PWWP3B: variants seen among roughly 807,000 people sequenced by gnomAD.
PWWP3B encodes the protein PWWP domain containing 3B.
Under a neutral mutation model 15.7 loss-of-function variants are expected in PWWP3B, and 5 were observed. The observed-to-expected ratio is 0.32, with a 90% confidence interval of 0.17 to 0.67. The LOEUF is 0.67. PWWP3B is among the 30% of genes least tolerant of loss of function. The pLI is 0.74. For synonymous variants in PWWP3B, 203 were observed against 179.8 expected (o/e 1.13, Z -1.03); for missense variants, 519 against 493.1 (o/e 1.05, Z -0.50).
intron 2 of PWWP3B, among the ~76,000 whole-genome samples, chrX:106,194,371 T>C (rs1262184521): frequency 8.9e-6 from 1 of 112,300 alleles, no homozygotes; most frequent in Non-Finnish European, 1.9e-5. Flanking sequence ...GTAGCTCTCG[T>C]GCCTTGGTTT....
chrX:106,174,104 C>G (rs750008174), intron 2 of PWWP3B, among the ~76,000 whole-genome samples: 1 of 112,101 alleles, frequency 8.9e-6, no homozygotes, highest in East Asian at 2.8e-4. Context: ...CCCAGGCTGA[C>G]CCTTCTGTTA....
chrX:106,185,478 T>A (rs1010914705), intron 2 of PWWP3B, among the ~76,000 whole-genome samples: 3 of 110,861 alleles, frequency 2.7e-5, no homozygotes, highest in African/African-American at 9.8e-5. Flanking sequence ...CTGATCAGAG[T>A]AGTTGTGCTC....
chrX:106,187,967 AT>A (rs1340608675), intron 2 of PWWP3B, among the ~76,000 whole-genome samples: 1 of 111,740 alleles, frequency 8.9e-6, no homozygotes, highest in Non-Finnish European at 1.9e-5. Flanking sequence ...TTATCTCCAG[AT>A]TGTAGCATTT....
At position 106,205,412 on chromosome X, in the gene PWWP3B, G is replaced by A; in HGVS notation, c.-21G>A. The A allele has an allele frequency of 9.0e-7, 1 of 1,110,552 alleles. No individual in the cohort carries two copies. The highest frequency in any genetic ancestry group is 1.2e-6 in the Non-Finnish European group (1 of 846,937). 91.5% of individuals were successfully genotyped at this position (1,110,552 alleles called of 1,213,427 possible). ...ACCTCAACCTTTGGTAATAACCCTT[G>A]GCACACAAATATAAACCATAATGGA... On this transcript the variant is annotated 5_prime_UTR_variant, in exon 4 of 4. Transcript: ENST00000357175.
chrX:106,185,537 G>A (rs1379460261), intron 2 of PWWP3B, among the ~76,000 whole-genome samples: 1 of 111,443 alleles, frequency 9.0e-6, no homozygotes, highest in East Asian at 2.8e-4. Context: ...CCACAAGGAG[G>A]ACCAAGGAAG....
chrX:106,194,295 C>G (rs1338072193), intron 2 of PWWP3B, among the ~76,000 whole-genome samples: 2 of 111,823 alleles, frequency 1.8e-5, no homozygotes, highest in Non-Finnish European at 3.8e-5. Flanking sequence ...TTCATTTCGT[C>G]TTCCATCGCT....
intron 2 of PWWP3B, among the ~76,000 whole-genome samples, chrX:106,174,526 G>A (rs890265489): frequency 1.8e-5 from 2 of 111,851 alleles, no homozygotes; most frequent in Non-Finnish European, 1.9e-5. Context: ...TTCCCATACT[G>A]AATTGGCAGC....
At chrX:106,188,857 T>C in intron 2 of PWWP3B, among the ~76,000 whole-genome samples, 1 of 112,748 alleles carries the variant, frequency 8.9e-6, no homozygotes, top group East Asian at 2.8e-4. Context: ...TATTCCTTAA[T>C]GTAGCTGAGA....
At chrX:106,191,287 A>C (rs1922940393) in intron 2 of PWWP3B, among the ~76,000 whole-genome samples, 1 of 110,089 alleles carries the variant, frequency 9.1e-6, no homozygotes, top group African/African-American at 3.3e-5. Flanking sequence ...ATTCCTAGGT[A>C]TTTTATTCTC....
At chrX:106,185,312 A>G (rs925949236) in intron 2 of PWWP3B, among the ~76,000 whole-genome samples, 5 of 111,123 alleles carry the variant, frequency 4.5e-5, no homozygotes, top group Non-Finnish European at 9.4e-5. Flanking sequence ...TCCCATCTGA[A>G]AGACAAAACT....
intron 2 of PWWP3B, among the ~76,000 whole-genome samples, chrX:106,189,409 T>A (rs1200790234): frequency 1.8e-5 from 2 of 108,756 alleles, no homozygotes; most frequent in African/African-American, 3.4e-5. Context: ...GTCCCCGATG[T>A]GTGATGTTCC....
intron 2 of PWWP3B, among the ~76,000 whole-genome samples, chrX:106,188,920 T>G (rs181432680): frequency 1.3e-3 from 151 of 112,570 alleles, no homozygotes; most frequent in African/African-American, 4.7e-3. Flanking sequence ...TACCAGTAGA[T>G]TTGTAGTTTT....
intron 2 of PWWP3B, among the ~76,000 whole-genome samples, chrX:106,180,783 TG>T (rs749055339): frequency 1.8e-5 from 2 of 112,331 alleles, no homozygotes; most frequent in South Asian, 7.4e-4. Flanking sequence ...ACCTTTTTCC[TG>T]TCCCCTTCTT....
At chrX:106,191,979 C>G (rs1397696254) in intron 2 of PWWP3B, among the ~76,000 whole-genome samples, 1 of 111,684 alleles carries the variant, frequency 9.0e-6, no homozygotes, top group African/African-American at 3.3e-5. Flanking sequence ...CAATGTTCAT[C>G]AAGGATATTG....
intron 2 of PWWP3B, among the ~76,000 whole-genome samples, chrX:106,188,439 C>T (rs1179015328): frequency 3.6e-5 from 4 of 111,511 alleles, no homozygotes; most frequent in Non-Finnish European, 5.7e-5. Context: ...TGTATGTATC[C>T]GGATTACTCT....
intron 2 of PWWP3B, among the ~76,000 whole-genome samples, chrX:106,201,039 C>T (rs1039498577): frequency 9.5e-6 from 1 of 105,724 alleles, no homozygotes; most frequent in Admixed American, 1.0e-4. Flanking sequence ...CAGAGTAAGA[C>T]TCCGTCTCAA....
chrX:106,169,948 A>T (rs933117295), intron 1 of PWWP3B, among the ~76,000 whole-genome samples: 1 of 111,621 alleles, frequency 9.0e-6, no homozygotes, highest in African/African-American at 3.2e-5. Flanking sequence ...AGAAATCTGG[A>T]AATAATACAT....
intron 2 of PWWP3B, among the ~76,000 whole-genome samples, chrX:106,191,987 T>C (rs1406696309): frequency 6.3e-5 from 7 of 111,836 alleles, no homozygotes; most frequent in African/African-American, 2.0e-4. Context: ...ATCAAGGATA[T>C]TGGTCTAAAA....
chrX:106,193,232 G>A (rs934412960), intron 2 of PWWP3B, among the ~76,000 whole-genome samples: 5 of 111,340 alleles, frequency 4.5e-5, no homozygotes, highest in Non-Finnish European at 9.4e-5. Flanking sequence ...CCTGTATTGG[G>A]TGCATATATA....
Sources: gnomAD v4.1 joint callset for allele counts (sites outside exome capture counted in the v4.1 genomes callset) on GRCh38, gnomAD v4.1.1 for gene constraint, MANE v1.5 for transcripts, NCBI Gene and HGNC (gene_info 2026-07-23, HGNC 2026-07-21) for gene names.